The following WIPI2 variants were observed in gnomAD, a reference collection of about 807,000 sequenced individuals.
WIPI2 encodes WD repeat domain, phosphoinositide interacting 2.
A neutral mutation model predicts 52.3 loss-of-function variants in WIPI2; 28 were observed. The observed-to-expected ratio is 0.54, with a 90% CI of 0.40 to 0.73. WIPI2 has a LOEUF of 0.73. Ranked by LOEUF, WIPI2 falls within the 30% of genes least tolerant of loss-of-function variation. WIPI2 has a pLI of 0.00. For missense variants in WIPI2, 506 were observed against 602.9 expected (o/e 0.84, Z 1.68); for synonymous variants, 268 against 245.0 (o/e 1.09, Z -0.88).
rs532324210 is a variant in WIPI2 at position 5,226,010 on chromosome 7, C to T, written c.848+80C>T. 28 of 1,353,044 alleles carry T rather than the reference C, an allele frequency of 2.1e-5. No individual in the cohort carries two copies. In the South Asian group the frequency reaches 2.6e-4, roughly 12 times the overall value. 83.8% of individuals were successfully genotyped at this position (1,353,044 alleles called of 1,614,324 possible). A position where few individuals can be genotyped will look rare whatever the true frequency, so the allele number is the denominator to read the frequency against. ...TTGCTGCCGGGATGAGAGGTAAGCA[C>T]GGACCCGCCCACCCTCTGACATCGT... On this transcript the variant is annotated intron_variant, in intron 9 of 12. Coordinates refer to ENST00000288828, the MANE Select transcript of WIPI2 (RefSeq NM_015610.4).
chr7:5,217,622 TA>T, intron 6 of WIPI2: 1 of 436,802 alleles, frequency 2.3e-6, no homozygotes, highest in Non-Finnish European at 4.3e-6. Flanking sequence ...AGTAGCAGAG[TA>T]GGTCTGGCTC....
chr7:5,219,060 G>C (rs574166057), intron 7 of WIPI2: 1 of 152,288 alleles, frequency 6.6e-6, no homozygotes, highest in Non-Finnish European at 1.5e-5. Context: ...TTGTTCTTCA[G>C]TCTCACACCC....
Position 5,232,173 on chromosome 7 carries a change from T to G in WIPI2, c.*1226T>G. ...AGAGATGGTTTTAGAATCTATGGAGTGGTGGAAGTTACGGATAGAAGGGAA... is the reference window on the plus strand; with the variant it reads ...AGAGATGGTTTTAGAATCTATGGAGGGGTGGAAGTTACGGATAGAAGGGAA... On this transcript the variant is annotated 3_prime_UTR_variant, in exon 13 of 13. Transcript: ENST00000288828. 1 of 398,200 alleles carries G rather than the reference T, an allele frequency of 2.5e-6. No individual in the cohort carries two copies. Among genetic ancestry groups the G allele is most frequent in the East Asian group, 3.6e-5 (1 of 28,056 alleles). The allele number at this position is 398,200 out of a possible 1,614,324, so 24.7% of individuals were successfully genotyped here.
chr7:5,196,084 A>G (rs533947867), intron 2 of WIPI2, among the ~76,000 whole-genome samples: 14 of 152,088 alleles, frequency 9.2e-5, no homozygotes, highest in Non-Finnish European at 1.8e-4. Context: ...TTACACCTGT[A>G]ATCCCAGCAC....
At chr7:5,229,465 A>T in intron 11 of WIPI2, 143 bp from the exon 12 acceptor site, 1 of 963,596 alleles carries the variant, frequency 1.0e-6, no homozygotes, top group Non-Finnish European at 1.5e-6. Context: ...AGACGAGATT[A>T]AAGTTGCCAC....
intron 4 of WIPI2, 50 bp downstream of exon 4, chr7:5,214,754 A>G: frequency 1.3e-6 from 2 of 1,598,326 alleles, no homozygotes; most frequent in Non-Finnish European, 1.7e-6. Flanking sequence ...TCCCTCCAGC[A>G]CTCTGGGACA....
chr7:5,210,857 C>T (rs1008634372), intron 3 of WIPI2, among the ~76,000 whole-genome samples: 1 of 152,106 alleles, frequency 6.6e-6, no homozygotes, highest in Non-Finnish European at 1.5e-5. Context: ...GTGTGTGCTT[C>T]CCTGCCTCAA....
rs963674696 is a variant in WIPI2 at position 5,227,730 on chromosome 7, G to A, written c.1014-374G>A. On this transcript the variant is annotated intron_variant, in intron 10 of 12. Coordinates refer to ENST00000288828, the MANE Select transcript of WIPI2 (RefSeq NM_015610.4). This position sits in a 1 kb window ranked among gnomAD's most constrained non-coding sequence, Gnocchi z 8.1. ...AGGGCCTGTGGAGGTTCTGTGCTGCGTGCGGGAAAGATTGTCATTACACCC... is the reference window on the plus strand; with the variant it reads ...AGGGCCTGTGGAGGTTCTGTGCTGCATGCGGGAAAGATTGTCATTACACCC... Among the ~76,000 whole-genome samples the A allele has an allele frequency of 6.6e-6, 1 of 152,166 alleles. No homozygotes were observed. The highest frequency in any genetic ancestry group is 1.5e-5 in the Non-Finnish European group (1 of 68,032).
At position 5,227,162 on chromosome 7, in the gene WIPI2, G is replaced by A. The variant is rs376557051; in HGVS notation, c.849-18G>A. 54 of 1,613,390 alleles carry A rather than the reference G, an allele frequency of 3.3e-5. No homozygotes were observed. In the African/African-American group the frequency reaches 7.2e-4, roughly 22 times the overall value. On this transcript the variant is annotated intron_variant, in intron 9 of 12. Transcript: ENST00000288828. The surrounding 1 kb of genome is among the most constrained non-coding windows in gnomAD (Gnocchi z 8.1). ...AGGGAGGGTGCAGCTTCATGTGTCT[G>A]GTGGCCTTTCCTTCCAGACCCCCAG...
chr7:5,203,566 G>A (rs182383215), intron 3 of WIPI2, among the ~76,000 whole-genome samples: 10 of 151,006 alleles, frequency 6.6e-5, no homozygotes, highest in African/African-American at 1.9e-4. Flanking sequence ...TAGAATGAGT[G>A]CTAAAAGCAA....
intron 4 of WIPI2, among the ~76,000 whole-genome samples, chr7:5,215,729 A>G (rs1374360593): frequency 6.7e-6 from 1 of 150,150 alleles, no homozygotes; most frequent in East Asian, 1.9e-4. Context: ...ATGGGAAATT[A>G]TAAGACATCA....
intron 1 of WIPI2, among the ~76,000 whole-genome samples, chr7:5,191,024 G>C (rs1458468456): frequency 1.3e-5 from 2 of 151,644 alleles, no homozygotes; most frequent in African/African-American, 4.8e-5. Flanking sequence ...GTTTTTTGGG[G>C]TTTGTTTTGT....
intron 7 of WIPI2, among the ~76,000 whole-genome samples, chr7:5,221,960 T>C (rs1331758527): frequency 1.9e-5 from 2 of 103,382 alleles, no homozygotes; most frequent in Non-Finnish European, 4.0e-5. Context: ...TATTTTTTTT[T>C]TTTTTCCCCC....
In WIPI2 at chr7:5,231,351, G is replaced by T. The variant is rs908514157; in HGVS notation, c.*404G>T. ...GCCGAGTGCGTAAGGAAACCGTGGC[G>T]TCGCGCACAGTGGGTCTGCTTGTCA... On this transcript the variant is annotated 3_prime_UTR_variant, in exon 13 of 13. Coordinates refer to ENST00000288828, the MANE Select transcript of WIPI2 (RefSeq NM_015610.4). 1 of 159,438 alleles carries T rather than the reference G, an allele frequency of 6.3e-6. No individual in the cohort carries two copies. The highest frequency in any genetic ancestry group is 1.9e-4 in the East Asian group (1 of 5,392). The allele number at this position is 159,438 out of a possible 1,614,324, so 9.9% of individuals were successfully genotyped here.
intron 8 of WIPI2, 55 bp from the exon 9 acceptor site, chr7:5,225,768 C>A: frequency 7.4e-7 from 1 of 1,346,630 alleles, no homozygotes; most frequent in Non-Finnish European, 1.0e-6. Flanking sequence ...TTGAGTTGAA[C>A]CCCTGGGGCA....
chr7:5,222,655 T>C lies in WIPI2; in HGVS notation c.723T>C (p.Phe241=). The C allele has an allele frequency of 6.2e-7, 1 of 1,614,054 alleles. No individual in the cohort carries two copies. The highest frequency in any genetic ancestry group is 1.7e-5 in the Admixed American group (1 of 60,014). ...SIPEGQKLFE[F]RRGVKRCVSI... ...CAGAAGGACAAAAACTCTTTGAGTTTCGGAGAGGAGTAAAGAGGTAAAGTA... is the reference window on the plus strand; with the variant it reads ...CAGAAGGACAAAAACTCTTTGAGTTCCGGAGAGGAGTAAAGAGGTAAAGTA... The change falls in exon 8 of 13, where the codon TTT becomes TTC. Residue 241 remains phenylalanine (F), a synonymous_variant. Coordinates refer to ENST00000288828, the MANE Select transcript of WIPI2 (RefSeq NM_015610.4).
intron 7 of WIPI2, chr7:5,219,017 C>G (rs1053581437): frequency 6.6e-6 from 1 of 152,220 alleles, no homozygotes; most frequent in African/African-American, 2.4e-5. Flanking sequence ...AATAAAACGT[C>G]GGCTCACTTC....
chr7:5,205,531 G>A (rs1472845172), intron 3 of WIPI2, among the ~76,000 whole-genome samples: 1 of 152,136 alleles, frequency 6.6e-6, no homozygotes, highest in African/African-American at 2.4e-5. Flanking sequence ...CTTAGTTTCT[G>A]TCCTGCCTCT....
rs529068638 is a variant in WIPI2 at position 5,232,577 on chromosome 7, C to T, written c.*1630C>T. Reference sequence around the variant, plus strand: ...CGCAGGCTGAGACAGTGGGGACCGCCGAGGCCAGAGTGGGCTATGCTTGAG... The same window carrying T: ...CGCAGGCTGAGACAGTGGGGACCGCTGAGGCCAGAGTGGGCTATGCTTGAG... On this transcript the variant is annotated 3_prime_UTR_variant, in exon 13 of 13. Transcript: ENST00000288828. The T allele has an allele frequency of 1.7e-5, 6 of 355,486 alleles. No individual in the cohort carries two copies. Among genetic ancestry groups the T allele is most frequent in the South Asian group, 1.5e-4 (1 of 6,644 alleles). 22.0% of individuals were successfully genotyped at this position (355,486 alleles called of 1,614,324 possible).
Sources: gnomAD v4.1 joint callset for allele counts (sites outside exome capture counted in the v4.1 genomes callset) on GRCh38, gnomAD v4.1.1 for gene constraint, Gnocchi (gnomAD v3.1) non-coding constraint, MANE v1.5 for transcripts, NCBI Gene and HGNC (gene_info 2026-07-23, HGNC 2026-07-21) for gene names.